CTNNA3: variants seen among roughly 807,000 people sequenced by gnomAD.
The protein encoded by CTNNA3 is catenin alpha-3.
In CTNNA3, 76 loss-of-function variants were observed where a neutral mutation model predicts 95.7. The observed-to-expected ratio is 0.79, with a 90% confidence interval of 0.66 to 0.96. CTNNA3 has a LOEUF of 0.96. Ranked by LOEUF, CTNNA3 falls within the 40% of genes least tolerant of loss-of-function variation. CTNNA3 has a pLI of 0.00. For synonymous variants in CTNNA3, 431 were observed against 374.4 expected (o/e 1.15, Z -1.74); for missense variants, 1,191 against 1,089.8 (o/e 1.09, Z -1.31).
chr10:67,222,133 C>T (rs1864689870), intron 5 of CTNNA3, among the ~76,000 whole-genome samples: 1 of 152,158 alleles, frequency 6.6e-6, no homozygotes. Flanking sequence ...GCTTGTGCTA[C>T]TATATTTTTA....
chr10:66,119,232 T>C (rs937261442), intron 13 of CTNNA3, among the ~76,000 whole-genome samples: 3 of 152,224 alleles, frequency 2.0e-5, no homozygotes, highest in African/African-American at 7.2e-5. Context: ...ATGAAGCTAA[T>C]GTAACATTGC....
intron 7 of CTNNA3, among the ~76,000 whole-genome samples, chr10:66,883,530 C>A (rs1844924468): frequency 2.0e-5 from 3 of 152,136 alleles, no homozygotes. Context: ...ACCTAAAATG[C>A]TGTCTTCAGT....
At chr10:65,996,356 G>A (rs1298047534) in intron 15 of CTNNA3, among the ~76,000 whole-genome samples, 1 of 152,090 alleles carries the variant, frequency 6.6e-6, no homozygotes, top group Non-Finnish European at 1.5e-5. Flanking sequence ...CATAACCTGG[G>A]GTGCAAGTTG....
rs1361815002 is a variant in CTNNA3, at chr10:66,685,325, G to GTGTATATA, written c.1282-63542_1282-63541insTATATACA. Among the ~76,000 whole-genome samples the GTGTATATA allele has an allele frequency of 2.5e-3, 74 of 29,994 alleles. 4 individuals carry two copies. The highest frequency in any genetic ancestry group is 0.01 in the African/African-American group (73 of 6,974). 19.7% of individuals were successfully genotyped at this position (29,994 alleles called of 152,430 possible). A position where few individuals can be genotyped will look rare whatever the true frequency, so the allele number is the denominator to read the frequency against. Reference sequence around the variant, plus strand: ...TATATATATGTGTGTGTGTATGTGTGTATATATATATATATATATATATAT... The same window carrying GTGTATATA: ...TATATATATGTGTGTGTGTATGTGTGTGTATATATATATATATATATATATATATATAT... On this transcript the variant is annotated intron_variant, in intron 9 of 17. Coordinates refer to ENST00000433211, the MANE Select transcript of CTNNA3 (RefSeq NM_013266.4).
chr10:66,828,545 G>A (rs886371995), intron 7 of CTNNA3, among the ~76,000 whole-genome samples: 7 of 152,094 alleles, frequency 4.6e-5, no homozygotes, highest in African/African-American at 1.4e-4. Context: ...TGCTTGCCAC[G>A]TGGTTATTAA....
At chr10:66,703,291 A>G (rs1359832089) in intron 9 of CTNNA3, among the ~76,000 whole-genome samples, 2 of 152,104 alleles carry the variant, frequency 1.3e-5, no homozygotes, top group African/African-American at 4.8e-5. Context: ...TCCTTCTAGA[A>G]ACCTTCCACA....
At chr10:66,530,996 A>G (rs778731111) in intron 10 of CTNNA3, among the ~76,000 whole-genome samples, 3 of 152,160 alleles carry the variant, frequency 2.0e-5, no homozygotes, top group Non-Finnish European at 4.4e-5. Context: ...TATTTCGGTT[A>G]TGGAAAATGT....
chr10:66,794,973 T>C (rs1841131298), intron 7 of CTNNA3, among the ~76,000 whole-genome samples: 2 of 152,196 alleles, frequency 1.3e-5, no homozygotes, highest in Admixed American at 1.3e-4. Context: ...ATCTTCAGGC[T>C]CTACTTCTAA....
chr10:67,278,657 T>C (rs1839281106), intron 5 of CTNNA3, among the ~76,000 whole-genome samples: 1 of 152,148 alleles, frequency 6.6e-6, no homozygotes, highest in Non-Finnish European at 1.5e-5. Flanking sequence ...AAAACTTACC[T>C]GCCTTTCAGT....
intron 15 of CTNNA3, among the ~76,000 whole-genome samples, chr10:65,999,076 G>T (rs1001377356): frequency 6.6e-6 from 1 of 152,040 alleles, no homozygotes; most frequent in African/African-American, 2.4e-5. Flanking sequence ...GACAAAGATT[G>T]CTTTGTAATA....
chr10:66,144,504 T>G (rs930996764), intron 13 of CTNNA3, among the ~76,000 whole-genome samples: 1 of 151,854 alleles, frequency 6.6e-6, no homozygotes, highest in East Asian at 1.9e-4. Context: ...TTTTTTTTTT[T>G]GAGACAGAGT....
intron 7 of CTNNA3, among the ~76,000 whole-genome samples, chr10:66,832,723 C>T (rs1179862072): frequency 6.6e-6 from 1 of 151,832 alleles, no homozygotes; most frequent in Admixed American, 6.6e-5. Context: ...ATAACTCAGC[C>T]TAAACTTCTC....
At chr10:67,465,727 AACACAGAGG>A (rs1847564470) in intron 5 of CTNNA3, among the ~76,000 whole-genome samples, 1 of 152,146 alleles carries the variant, frequency 6.6e-6, no homozygotes, top group Non-Finnish European at 1.5e-5. Context: ...AAGAAAATAA[AACACAGAGG>A]AGACTGTAGA....
intron 7 of CTNNA3, among the ~76,000 whole-genome samples, chr10:67,158,027 C>T (rs547538313): frequency 9.9e-5 from 15 of 152,164 alleles, no homozygotes; most frequent in African/African-American, 3.6e-4. Flanking sequence ...CAGACTGTCT[C>T]GGCCCACCCA....
At chr10:66,742,779 AG>A (rs1198912721) in intron 9 of CTNNA3, among the ~76,000 whole-genome samples, 2 of 152,152 alleles carry the variant, frequency 1.3e-5, no homozygotes, top group African/African-American at 4.8e-5. Flanking sequence ...ATCAAGACAA[AG>A]CGTCCTCTTC....
chr10:67,684,261 T>C (rs1030177501), intron 1 of CTNNA3, among the ~76,000 whole-genome samples: 9 of 152,284 alleles, frequency 5.9e-5, no homozygotes, highest in Non-Finnish European at 1.0e-4. Flanking sequence ...GACTGCTGAT[T>C]GGTGCATTTA....
intron 11 of CTNNA3, among the ~76,000 whole-genome samples, chr10:66,515,806 G>C (rs1459177388): frequency 6.6e-6 from 1 of 151,900 alleles, no homozygotes; most frequent in Non-Finnish European, 1.5e-5. Context: ...GAACAGGATG[G>C]GGGAAACCAC....
intron 1 of CTNNA3, among the ~76,000 whole-genome samples, chr10:67,691,037 G>A (rs559278820): frequency 2.5e-3 from 377 of 152,314 alleles, no homozygotes; most frequent in African/African-American, 8.6e-3. Flanking sequence ...GATTGCAGGC[G>A]CGCGCCGCCA....
chr10:66,092,166 C>T (rs1202188386), intron 14 of CTNNA3, among the ~76,000 whole-genome samples: 2 of 151,860 alleles, frequency 1.3e-5, no homozygotes, highest in African/African-American at 4.8e-5. Context: ...TTTTACCTCT[C>T]ACCATATATA....
Sources: gnomAD v4.1 joint callset for allele counts (sites outside exome capture counted in the v4.1 genomes callset) on GRCh38, gnomAD v4.1.1 for gene constraint, MANE v1.5 for transcripts, NCBI Gene and HGNC (gene_info 2026-07-23, HGNC 2026-07-21) for gene names.